Variants in AGBL1 observed in about 807,000 individuals in gnomAD.
AGBL1 encodes the protein cytosolic carboxypeptidase 4.
AGBL1 carries 130 observed loss-of-function variants against 118.9 expected under a neutral mutation model. The observed-to-expected ratio is 1.09, with a 90% confidence interval of 0.95 to 1.26. The LOEUF (loss-of-function observed/expected upper bound fraction) is 1.26, where lower values mean the gene tolerates loss of function less well. Among genes scored for constraint, AGBL1 ranks in the 50% most tolerant of loss-of-function variants. The pLI is 0.00. For missense variants in AGBL1, 1,584 were observed against 1,298.1 expected (o/e 1.22, Z -3.38); for synonymous variants, 555 against 478.9 (o/e 1.16, Z -2.08).
intron 21 of AGBL1, among the ~76,000 whole-genome samples, chr15:86,581,717 TC>T (rs1334374535): frequency 6.6e-6 from 1 of 151,808 alleles, no homozygotes; most frequent in African/African-American, 2.4e-5. Context: ...AATCTTCCTC[TC>T]CCCCAAATCT....
chr15:86,944,079 G>A (rs924234150), intron 23 of AGBL1, among the ~76,000 whole-genome samples: 2 of 152,140 alleles, frequency 1.3e-5, no homozygotes, highest in African/African-American at 2.4e-5. Flanking sequence ...AGAGTCAGGT[G>A]AAGAATGAAG....
intron 21 of AGBL1, among the ~76,000 whole-genome samples, chr15:86,650,709 C>T (rs2085354834): frequency 6.6e-6 from 1 of 152,182 alleles, no homozygotes; most frequent in Admixed American, 6.5e-5. Flanking sequence ...ATTTGTGATC[C>T]TCCAGCAACT....
intron 21 of AGBL1, among the ~76,000 whole-genome samples, chr15:86,668,899 A>G (rs1177231095): frequency 6.6e-6 from 1 of 152,202 alleles, no homozygotes; most frequent in South Asian, 2.1e-4. Context: ...GTCTTCATTC[A>G]TAATTTCTAA....
At chr15:86,135,669 A>T (rs1273169027) in intron 1 of AGBL1, among the ~76,000 whole-genome samples, 1 of 152,200 alleles carries the variant, frequency 6.6e-6, no homozygotes, top group Non-Finnish European at 1.5e-5. Context: ...AGGGGAGGGC[A>T]AGAGGAATGA....
chr15:86,608,944 A>C (rs953231689), intron 21 of AGBL1, among the ~76,000 whole-genome samples: 20 of 152,156 alleles, frequency 1.3e-4, no homozygotes, highest in African/African-American at 4.6e-4. Flanking sequence ...ATCGCTAGTG[A>C]CTTGCTGACA....
chr15:86,090,468 C>G (rs1451611633), intron 1 of AGBL1, among the ~76,000 whole-genome samples: 2 of 152,004 alleles, frequency 1.3e-5, no homozygotes, highest in Non-Finnish European at 1.5e-5. Flanking sequence ...CATTATATAC[C>G]TATATCTTTA....
At chr15:86,719,469 A>C (rs1383791011) in intron 22 of AGBL1, among the ~76,000 whole-genome samples, 1 of 152,228 alleles carries the variant, frequency 6.6e-6, no homozygotes, top group Non-Finnish European at 1.5e-5. Context: ...TGAAATCTTC[A>C]TCAGGAGTAA....
chr15:86,407,275 A>G (rs771292310), intron 18 of AGBL1, among the ~76,000 whole-genome samples: 14 of 152,202 alleles, frequency 9.2e-5, no homozygotes, highest in Non-Finnish European at 1.5e-4. Context: ...TGACATACTC[A>G]AGGTCAGTCC....
chr15:86,982,440 G>A (rs1172461054), intron 23 of AGBL1, among the ~76,000 whole-genome samples: 2 of 151,658 alleles, frequency 1.3e-5, no homozygotes, highest in Non-Finnish European at 2.9e-5. Flanking sequence ...TAGCTGATAG[G>A]AATATTTATA....
chr15:86,472,048 A>G (rs1354971761), intron 18 of AGBL1, among the ~76,000 whole-genome samples: 1 of 152,188 alleles, frequency 6.6e-6, no homozygotes, highest in Non-Finnish European at 1.5e-5. Context: ...TGCAGCCATG[A>G]GCCAAGGAAA....
intron 16 of AGBL1, among the ~76,000 whole-genome samples, chr15:86,292,278 T>A (rs751863026): frequency 2.0e-4 from 30 of 152,044 alleles, no homozygotes; most frequent in South Asian, 4.2e-4. Flanking sequence ...AAAATGGGAC[T>A]GAATGGATGC....
intron 1 of AGBL1, among the ~76,000 whole-genome samples, chr15:86,133,536 A>G (rs1043962020): frequency 2.0e-5 from 3 of 152,232 alleles, no homozygotes; most frequent in Non-Finnish European, 2.9e-5. Context: ...GTCTGTATAC[A>G]TGCTGTCTAT....
chr15:86,215,215 ATATGTATGCG>A (rs992476866), intron 5 of AGBL1, among the ~76,000 whole-genome samples: 14 of 123,076 alleles, frequency 1.1e-4, no homozygotes, highest in East Asian at 4.9e-4. Context: ...GTGTGAGTGT[ATATGTATGCG>A]TGTGTGTGTG....
intron 22 of AGBL1, among the ~76,000 whole-genome samples, chr15:86,712,627 T>C (rs934909118): frequency 2.0e-5 from 3 of 152,200 alleles, no homozygotes; most frequent in African/African-American, 4.8e-5. Context: ...GGATTCACTG[T>C]GCAGCAGTGA....
In AGBL1 at chr15:86,333,172, AAAAT is replaced by A. The variant is rs931662929; in HGVS notation, c.2374+37773_2374+37776del. 6.0e-4 allele frequency among the ~76,000 whole-genome samples: 92 copies of A among 152,310 alleles called. 1 individual carries two copies. The highest frequency in any genetic ancestry group is 2.2e-3 in the African/African-American group (92 of 41,580). ...AATCTAATCCCAAAGCTAGCTGAAG[AAAAT>A]AAATAAATCAGAAAAGAACTGAACA... is the stretch of plus-strand genomic sequence containing the variant. On this transcript the variant is annotated intron_variant, in intron 17 of 22. Coordinates refer to ENST00000614907, the MANE Select transcript of AGBL1 (RefSeq NM_001386094.1).
intron 23 of AGBL1, among the ~76,000 whole-genome samples, chr15:86,971,343 G>A (rs187032318): frequency 1.2e-3 from 181 of 152,100 alleles, no homozygotes; most frequent in African/African-American, 3.5e-3. Flanking sequence ...GACATGTGGT[G>A]AGACATTAAT....
At chr15:86,730,377 G>C (rs1314817058) in intron 22 of AGBL1, among the ~76,000 whole-genome samples, 3 of 152,144 alleles carry the variant, frequency 2.0e-5, no homozygotes, top group Non-Finnish European at 4.4e-5. Flanking sequence ...CTAATATCCA[G>C]AATCTATAAG....
At chr15:86,280,860 G>C (rs574178796) in intron 16 of AGBL1, among the ~76,000 whole-genome samples, 1 of 152,282 alleles carries the variant, frequency 6.6e-6, no homozygotes, top group Non-Finnish European at 1.5e-5. Context: ...CCTAAAGAGA[G>C]ATTTTTACTG....
intron 22 of AGBL1, among the ~76,000 whole-genome samples, chr15:86,741,818 CA>C (rs1427738471): frequency 6.6e-6 from 1 of 151,930 alleles, no homozygotes; most frequent in Admixed American, 6.6e-5. Context: ...ATCTGCAAAA[CA>C]AAAGGACAAT....
Sources: gnomAD v4.1 joint callset for allele counts (sites outside exome capture counted in the v4.1 genomes callset) on GRCh38, gnomAD v4.1.1 for gene constraint, MANE v1.5 for transcripts, NCBI Gene and HGNC (gene_info 2026-07-23, HGNC 2026-07-21) for gene names.